Variants in RAB5A observed in about 807,000 individuals in gnomAD.
The protein encoded by RAB5A is ras-related protein Rab-5A.
A neutral mutation model predicts 25.7 loss-of-function variants in RAB5A; 8 were observed. That is an observed-to-expected ratio of 0.31 (90% CI 0.18 to 0.56). RAB5A has a LOEUF of 0.56. Ranked by LOEUF, RAB5A falls within the 20% of genes least tolerant of loss-of-function variation. The pLI is 0.91. For synonymous variants in RAB5A, 98 were observed against 89.8 expected (o/e 1.09, Z -0.52); for missense variants, 192 against 259.7 (o/e 0.74, Z 1.79).
At chr3:19,956,035 TG>T (rs964291186) in intron 2 of RAB5A, among the ~76,000 whole-genome samples, 4 of 152,218 alleles carry the variant, frequency 2.6e-5, no homozygotes, top group African/African-American at 9.6e-5. Context: ...TAGGAAAGTA[TG>T]ATCCCTCTGT....
chr3:19,955,631 T>C (rs11718997), intron 2 of RAB5A, among the ~76,000 whole-genome samples: 109,158 of 152,018 alleles, frequency 0.72, 39,851 homozygotes, highest in Non-Finnish European at 0.77. Context: ...CGGTAGCTCA[T>C]ACCTGTAATC....
At chr3:19,952,083 G>A (rs1331754805) in intron 2 of RAB5A, among the ~76,000 whole-genome samples, 1 of 152,146 alleles carries the variant, frequency 6.6e-6, no homozygotes, top group African/African-American at 2.4e-5. Context: ...ACATGGTGGT[G>A]CATTCCTGTA....
rs530654002 is a variant in RAB5A at position 19,958,992 on chromosome 3, C to T, written c.163+7931C>T. Among the ~76,000 whole-genome samples the T allele has an allele frequency of 3.3e-5, 5 of 152,278 alleles. No individual in the cohort carries two copies. In the South Asian group the frequency reaches 1.0e-3, roughly 32 times the overall value. On this transcript the variant is annotated intron_variant, in intron 2 of 5. Coordinates refer to ENST00000273047, the MANE Select transcript of RAB5A (RefSeq NM_004162.5). The stretch of plus-strand genomic sequence containing the variant: ...CAGATGTTCTTATAAACTGTGTACT[C>T]TTCTCATTAAACAATACAGTCAATA...
At chr3:19,957,447 G>C in intron 2 of RAB5A, among the ~76,000 whole-genome samples, 1 of 150,894 alleles carries the variant, frequency 6.6e-6, no homozygotes, top group Middle Eastern at 3.4e-3. Flanking sequence ...TGGTCAGATC[G>C]CTTGAGACCA....
chr3:19,952,397 C>A (rs1030536681), intron 2 of RAB5A, among the ~76,000 whole-genome samples: 2 of 152,190 alleles, frequency 1.3e-5, no homozygotes, highest in African/African-American at 4.8e-5. Context: ...TAACCCCATC[C>A]TGTAAAATTA....
At chr3:19,958,184 TCTA>T (rs1190978849) in intron 2 of RAB5A, among the ~76,000 whole-genome samples, 1 of 152,238 alleles carries the variant, frequency 6.6e-6, no homozygotes, top group East Asian at 1.9e-4. Flanking sequence ...AAGTATTCAT[TCTA>T]CTTTCTGATA....
intron 2 of RAB5A, chr3:19,970,778 G>A: frequency 3.5e-6 from 1 of 289,726 alleles, no homozygotes; most frequent in Non-Finnish European, 7.0e-6. Context: ...TCTTTTCAGT[G>A]GCAGAATTTG....
chr3:19,983,403 G>A (rs767047598), intron 5 of RAB5A, among the ~76,000 whole-genome samples: 46 of 151,140 alleles, frequency 3.0e-4, no homozygotes, highest in Admixed American at 1.8e-3. Context: ...AACTTTTCTG[G>A]TATTATTGAG....
rs1696322653 is a variant in RAB5A, at chr3:19,947,337, G to A, written c.-278G>A. The A allele has an allele frequency of 5.3e-6, 1 of 188,606 alleles. No homozygotes were observed. Among genetic ancestry groups the A allele is most frequent in the African/African-American group, 2.4e-5 (1 of 41,502 alleles). 11.7% of individuals were successfully genotyped at this position (188,606 alleles called of 1,614,324 possible). On this transcript the variant is annotated 5_prime_UTR_variant, in exon 1 of 6. Transcript: ENST00000273047. The stretch of plus-strand genomic sequence containing the variant: ...GGGAGCGGCGAGAGGCGGAGACGGA[G>A]CCCGACAGGGGCGGCACCACGGCAC...
intron 2 of RAB5A, among the ~76,000 whole-genome samples, chr3:19,968,175 C>G (rs1696687064): frequency 6.6e-6 from 1 of 152,156 alleles, no homozygotes; most frequent in Non-Finnish European, 1.5e-5. Flanking sequence ...TCTCTAGTCA[C>G]TGCATGCATC....
chr3:19,973,839 A>C (rs538214010), intron 2 of RAB5A, among the ~76,000 whole-genome samples: 37 of 152,330 alleles, frequency 2.4e-4, no homozygotes, highest in African/African-American at 7.9e-4. Flanking sequence ...GTCTAACGTA[A>C]AAGAGATATA....
At chr3:19,963,272 A>G (rs1279518124) in intron 2 of RAB5A, among the ~76,000 whole-genome samples, 2 of 129,874 alleles carry the variant, frequency 1.5e-5, no homozygotes. Context: ...TCTTTTTATT[A>G]TTTTTTAACT....
intron 2 of RAB5A, among the ~76,000 whole-genome samples, chr3:19,951,701 G>GT (rs61250458): frequency 6.6e-4 from 65 of 98,994 alleles, no homozygotes; most frequent in Admixed American, 2.2e-3. Context: ...TGCCAGGCAA[G>GT]TTTTTTTTTT....
intron 2 of RAB5A, among the ~76,000 whole-genome samples, chr3:19,971,015 G>A (rs1696741524): frequency 1.3e-5 from 2 of 152,026 alleles, no homozygotes; most frequent in South Asian, 2.1e-4. Flanking sequence ...TGGCCAACAT[G>A]GTGAAACCCC....
chr3:19,963,968 T>C (rs1233327150), intron 2 of RAB5A, among the ~76,000 whole-genome samples: 1 of 152,280 alleles, frequency 6.6e-6, no homozygotes, highest in African/African-American at 2.4e-5. Context: ...ATTCATTTAG[T>C]ATGTAAGCTT....
intron 5 of RAB5A, chr3:19,978,878 T>C (rs928147739): frequency 2.0e-5 from 3 of 152,380 alleles, no homozygotes; most frequent in Admixed American, 1.3e-4. Context: ...TTTCAAAGCA[T>C]AGAGGCGTAA....
chr3:19,963,555 G>A (rs1400353008), intron 2 of RAB5A, among the ~76,000 whole-genome samples: 1 of 151,936 alleles, frequency 6.6e-6, no homozygotes, highest in African/African-American at 2.4e-5. Context: ...AGGATTACAG[G>A]TTTCCTCTAA....
intron 2 of RAB5A, among the ~76,000 whole-genome samples, chr3:19,962,673 A>G (rs1696604619): frequency 6.6e-6 from 1 of 152,206 alleles, no homozygotes; most frequent in Admixed American, 6.5e-5. Flanking sequence ...TATTAGTAAT[A>G]TCAGTTCTCT....
chr3:19,975,888 T>C, intron 3 of RAB5A, 136 bp downstream of exon 3: 1 of 1,326,984 alleles, frequency 7.5e-7, no homozygotes, highest in Non-Finnish European at 1.0e-6. Context: ...AATTAGAAAA[T>C]CTGGTTTTAA....
Sources: allele counts gnomAD v4.1 joint callset (sites outside exome capture counted in the v4.1 genomes callset), GRCh38; gene constraint gnomAD v4.1.1; transcripts MANE v1.5; gene names NCBI Gene and HGNC (gene_info 2026-07-23, HGNC 2026-07-21).